The following BIVM variants were observed in gnomAD, a reference collection of about 807,000 sequenced individuals.
The protein encoded by BIVM is basic immunoglobulin-like variable motif-containing protein.
BIVM carries 31 observed loss-of-function variants against 61.4 expected under a neutral mutation model. That is an observed-to-expected ratio of 0.51 (90% CI 0.38 to 0.68). The LOEUF is 0.68. Among genes scored for constraint, BIVM ranks in the 30% least tolerant of loss-of-function variants. BIVM has a pLI of 0.00. For missense variants in BIVM, 526 were observed against 596.0 expected, an observed-to-expected ratio of 0.88 and a Z score of 1.22; for synonymous variants, 189 against 210.7, an observed-to-expected ratio of 0.90 and a Z score of 0.89.
intron 2 of BIVM, among the ~76,000 whole-genome samples, chr13:102,806,910 CAA>C (rs142964523): frequency 7.4e-6 from 1 of 135,216 alleles, no homozygotes; most frequent in Admixed American, 7.5e-5. Flanking sequence ...AACTCCATCT[CAA>C]AAAAAAAAAA....
rs1881741244 is a variant in BIVM at position 102,840,390 on chromosome 13, C to T, written c.*525C>T. 1 of 152,316 alleles carries T rather than the reference C, an allele frequency of 6.6e-6. No homozygotes were observed. Among genetic ancestry groups the T allele is most frequent in the South Asian group, 2.1e-4 (1 of 4,832 alleles). 9.4% of individuals were successfully genotyped at this position (152,316 alleles called of 1,614,324 possible). On this transcript the variant is annotated 3_prime_UTR_variant, in exon 11 of 11. Transcript: ENST00000257336. ...GTAGTTCTTTGATTTATAGCAGGATCTTGCTTGCCTCATTTGTTTCCTGGT... is the reference window on the plus strand; with the variant it reads ...GTAGTTCTTTGATTTATAGCAGGATTTTGCTTGCCTCATTTGTTTCCTGGT...
chr13:102,814,406 CAA>C (rs1879726568), intron 3 of BIVM, among the ~76,000 whole-genome samples: 1 of 152,058 alleles, frequency 6.6e-6, no homozygotes, highest in Non-Finnish European at 1.5e-5. Context: ...ATCCCAGGGG[CAA>C]TCCGAGATTC....
In BIVM at chr13:102,840,768, C is replaced by G. The variant is rs941505716; in HGVS notation, c.*903C>G. 40 of 148,136 alleles carry G rather than the reference C, an allele frequency of 2.7e-4. No homozygotes were observed. Among genetic ancestry groups the G allele is most frequent in the African/African-American group, 9.9e-4 (40 of 40,460 alleles). 9.2% of individuals were successfully genotyped at this position (148,136 alleles called of 1,614,324 possible). A position where few individuals can be genotyped will look rare whatever the true frequency, so the allele number is the denominator to read the frequency against. On this transcript the variant is annotated 3_prime_UTR_variant, in exon 11 of 11. Coordinates refer to ENST00000257336, the MANE Select transcript of BIVM (RefSeq NM_017693.4). ...GCATTGATTCAGATTTTTAAAATTT[C>G]TTGATGTGGTTTGTAATAATCAAAT...
chr13:102,822,257 T>G, intron 7 of BIVM, 98 bp downstream of exon 7: 1 of 1,173,974 alleles, frequency 8.5e-7, no homozygotes. Context: ...GACTGCCTGT[T>G]TAGCTTCCTG....
Position 102,799,150 on chromosome 13 carries a change from A to G in BIVM, c.-578A>G. The G allele has an allele frequency of 2.5e-6, 1 of 394,216 alleles. No homozygotes were observed. The highest frequency in any genetic ancestry group is 4.5e-6 in the Non-Finnish European group (1 of 223,784). The allele number at this position is 394,216 out of a possible 1,614,324, so 24.4% of individuals were successfully genotyped here. A position where few individuals can be genotyped will look rare whatever the true frequency, so the allele number is the denominator to read the frequency against. ...CGACAGGACGAGCGGAAATACTGCC[A>G]GGATTTTACCACCTCTCGCCCATTT... On this transcript the variant is annotated 5_prime_UTR_variant, in exon 1 of 11. Transcript: ENST00000257336.
chr13:102,833,326 G>GTTTTTTTTTTTTTTT (rs1566455831), intron 8 of BIVM, among the ~76,000 whole-genome samples: 12 of 26,884 alleles, frequency 4.5e-4, no homozygotes, highest in Non-Finnish European at 1.4e-3. Flanking sequence ...GGATAGGATG[G>GTTTTTTTTTTTTTTT]GTTTTTTTTT....
At chr13:102,800,040 C>T (rs1181545011) in intron 1 of BIVM, among the ~76,000 whole-genome samples, 1 of 152,228 alleles carries the variant, frequency 6.6e-6, no homozygotes, top group East Asian at 1.9e-4. Context: ...GAGCCGCCTC[C>T]TCTGCCTGCC....
chr13:102,825,786 G>A (rs1161903597), intron 7 of BIVM, among the ~76,000 whole-genome samples: 1 of 152,188 alleles, frequency 6.6e-6, no homozygotes, highest in Non-Finnish European at 1.5e-5. Context: ...AATGGATATG[G>A]TGGTGTCCCG....
intron 1 of BIVM, among the ~76,000 whole-genome samples, chr13:102,802,903 GC>G (rs1595325979): frequency 1.3e-5 from 2 of 151,990 alleles, no homozygotes; most frequent in East Asian, 1.9e-4. Context: ...GAGCCACTGT[GC>G]CTGGCTCACA....
intron 1 of BIVM, chr13:102,800,327 C>T (rs1255319600): frequency 6.6e-6 from 1 of 152,232 alleles, no homozygotes; most frequent in Non-Finnish European, 1.5e-5. Flanking sequence ...TCGGCGCGCT[C>T]CCCCTGGCGG....
At position 102,834,479 on chromosome 13, in the gene BIVM, T is replaced by C; in HGVS notation, c.1048T>C (p.Ser350Pro). 6.3e-7 allele frequency: 1 copy of C among 1,599,820 alleles called. No homozygotes were observed. The highest frequency in any genetic ancestry group is 1.1e-5 in the South Asian group (1 of 88,150). The change falls in exon 9 of 11, where the codon TCA becomes CCA. Residue 350 changes from serine to proline, a missense_variant. Transcript: ENST00000257336. ...ANKAFSRGPL[S>P]PQEVEYWILI... ...TTTTATATTTAGCAGGGGACCTCTC[T>C]CACCACAGGAAGTTGAATATTGGAT...
At chr13:102,821,224 T>A (rs1880253864) in intron 5 of BIVM, 92 bp downstream of exon 5, 4 of 1,135,810 alleles carry the variant, frequency 3.5e-6, no homozygotes, top group Non-Finnish European at 4.9e-6. Flanking sequence ...ATAGATTTTT[T>A]ATAAATTTAA....
rs554917415 is a variant in BIVM, at chr13:102,832,576, A to G, written c.1034+879A>G. ...AGACTATGTCACAGTGCCTCATCCA[A>G]CGTCCCACATGAACAATATATTACA... is the stretch of plus-strand genomic sequence containing the variant. On this transcript the variant is annotated intron_variant, in intron 8 of 10. Transcript: ENST00000257336. Among the ~76,000 whole-genome samples, 15 of 152,342 alleles carry G rather than the reference A, an allele frequency of 9.8e-5. 1 individual carries two copies. The highest frequency in any genetic ancestry group is 1.5e-4 in the Non-Finnish European group (10 of 68,026).
intron 8 of BIVM, among the ~76,000 whole-genome samples, chr13:102,832,233 C>T: frequency 6.6e-6 from 1 of 152,126 alleles, no homozygotes; most frequent in Non-Finnish European, 1.5e-5. Context: ...CTCTGTCATC[C>T]AGGCTGGAGT....
intron 1 of BIVM, chr13:102,800,534 T>A (rs939814159): frequency 6.6e-6 from 1 of 151,016 alleles, no homozygotes; most frequent in Non-Finnish European, 1.5e-5. Flanking sequence ...CGCGCACTGG[T>A]TCTGCGCGGC....
chr13:102,824,676 C>T (rs1880536854), intron 7 of BIVM, among the ~76,000 whole-genome samples: 1 of 152,158 alleles, frequency 6.6e-6, no homozygotes, highest in African/African-American at 2.4e-5. Flanking sequence ...CTGGGAAAAC[C>T]TTACTGATGG....
At chr13:102,822,485 C>T (rs995761571) in intron 7 of BIVM, among the ~76,000 whole-genome samples, 4 of 152,188 alleles carry the variant, frequency 2.6e-5, no homozygotes, top group East Asian at 1.9e-4. Flanking sequence ...TGTACGCGCA[C>T]ATGCTAGTAA....
chr13:102,799,336 G>C lies in BIVM; in HGVS notation c.-392G>C, dbSNP rs1465329795. ...TAAAGCACCTTGAAAGGAAGGTGCTGTCAATGCTATCCGACGACCTGTCGC... is the reference window on the plus strand; with the variant it reads ...TAAAGCACCTTGAAAGGAAGGTGCTCTCAATGCTATCCGACGACCTGTCGC... On this transcript the variant is annotated 5_prime_UTR_variant, in exon 1 of 11. Transcript: ENST00000257336. 1 of 166,826 alleles carries C rather than the reference G, an allele frequency of 6.0e-6. No individual in the cohort carries two copies. Among genetic ancestry groups the C allele is most frequent in the Non-Finnish European group, 1.3e-5 (1 of 78,138 alleles). The allele number at this position is 166,826 out of a possible 1,614,324, so 10.3% of individuals were successfully genotyped here.
In BIVM at chr13:102,839,914, C is replaced by T. The variant is rs781650571; in HGVS notation, c.*49C>T. On this transcript the variant is annotated 3_prime_UTR_variant, in exon 11 of 11. Coordinates refer to ENST00000257336, the MANE Select transcript of BIVM (RefSeq NM_017693.4). Reference sequence around the variant, plus strand: ...GCATTATATATGAAACTGCTATATACAGGACTGTATAAAGACAGTAGAAGA... The same window carrying T: ...GCATTATATATGAAACTGCTATATATAGGACTGTATAAAGACAGTAGAAGA... The T allele has an allele frequency of 6.5e-7, 1 of 1,542,474 alleles. No homozygotes were observed. The highest frequency in any genetic ancestry group is 8.7e-7 in the Non-Finnish European group (1 of 1,144,480).
Sources: gnomAD v4.1 joint callset for allele counts (sites outside exome capture counted in the v4.1 genomes callset) on GRCh38, gnomAD v4.1.1 for gene constraint, MANE v1.5 for transcripts, NCBI Gene and HGNC (gene_info 2026-07-23, HGNC 2026-07-21) for gene names.